Variants in UTRN observed in about 807,000 individuals in gnomAD.
UTRN encodes the protein dystrophin-related protein 1.
Under a neutral mutation model 463.9 loss-of-function variants are expected in UTRN, and 283 were observed. The ratio of observed to expected loss-of-function variants is 0.61; its 90% CI spans 0.55 to 0.67. The LOEUF is 0.67. Among genes scored for constraint, UTRN ranks in the 30% least tolerant of loss-of-function variants. The pLI, the probability that UTRN is intolerant of heterozygous loss-of-function variation, is 0.00. For synonymous variants in UTRN, 1,442 were observed against 1,431.5 expected, an observed-to-expected ratio of 1.01 and a Z score of -0.17; for missense variants, 3,922 against 4,084.3, an observed-to-expected ratio of 0.96 and a Z score of 1.08.
At chr6:144,331,820 C>T (rs1000190642) in intron 2 of UTRN, among the ~76,000 whole-genome samples, 3 of 152,142 alleles carry the variant, frequency 2.0e-5, no homozygotes, top group Non-Finnish European at 4.4e-5. Flanking sequence ...GAATGTTTCC[C>T]AGAGAAGTGA....
At chr6:144,409,329 G>T (rs181854327) in intron 3 of UTRN, among the ~76,000 whole-genome samples, 2 of 152,288 alleles carry the variant, frequency 1.3e-5, no homozygotes, top group Non-Finnish European at 2.9e-5. Flanking sequence ...ATGCTTTGAT[G>T]AGTACTTAAT....
intron 54 of UTRN, among the ~76,000 whole-genome samples, chr6:144,746,004 C>CT (rs948188772): frequency 7.5e-5 from 11 of 147,554 alleles, no homozygotes; most frequent in East Asian, 2.0e-4. Flanking sequence ...TTTTAGATAT[C>CT]TTTTTTTTTT....
At position 144,514,823 on chromosome 6, in the gene UTRN, G is replaced by T. The variant is rs1795472988; in HGVS notation, c.5244+3G>T. On this transcript the variant is annotated splice_donor_region_variant and intron_variant, in intron 37 of 74. Coordinates refer to ENST00000367545, the MANE Select transcript of UTRN (RefSeq NM_007124.3). ...CTCAACATATCAAAAGTGCCAAAGT[G>T]AGTAATTATGCTTTTAGAGTAAACC... The T allele has an allele frequency of 1.2e-6, 2 of 1,611,870 alleles. No homozygotes were observed. Among genetic ancestry groups the T allele is most frequent in the South Asian group, 1.1e-5 (1 of 90,666 alleles).
rs187650521 is a variant in UTRN at position 144,470,845 on chromosome 6, C to G, written c.3067-2875C>G. 6.7e-3 allele frequency among the ~76,000 whole-genome samples: 1,012 copies of G among 151,904 alleles called. 8 individuals carry two copies. Among genetic ancestry groups the G allele is most frequent in the African/African-American group, 0.023 (954 of 41,400 alleles). ...CTGGAGACCAGCCCGGCCAACACGGCGAAACCCCGTCTCCACCAAAAAATA... is the reference window on the plus strand; with the variant it reads ...CTGGAGACCAGCCCGGCCAACACGGGGAAACCCCGTCTCCACCAAAAAATA... On this transcript the variant is annotated intron_variant, in intron 23 of 74. Coordinates refer to ENST00000367545, the MANE Select transcript of UTRN (RefSeq NM_007124.3).
chr6:144,784,001 T>C (rs1274063117), intron 61 of UTRN, among the ~76,000 whole-genome samples: 1 of 152,238 alleles, frequency 6.6e-6, no homozygotes, highest in Non-Finnish European at 1.5e-5. Flanking sequence ...CTTCAATAAT[T>C]TGAATCCTCA....
intron 14 of UTRN, among the ~76,000 whole-genome samples, chr6:144,446,175 GAGTGCT>G (rs1266296546): frequency 5.3e-5 from 8 of 152,162 alleles, no homozygotes; most frequent in Admixed American, 2.0e-4. Flanking sequence ...TTTAAAAATA[GAGTGCT>G]AGTATTTCAG....
intron 61 of UTRN, among the ~76,000 whole-genome samples, chr6:144,782,952 TTGGGTGGCCGAGG>T (rs531847646): frequency 2.2e-3 from 339 of 152,162 alleles, no homozygotes; most frequent in African/African-American, 7.7e-3. Context: ...TCCCAGCACT[TTGGGTGGCCGAGG>T]TGGGTGGATC....
rs1162798853 is a variant in UTRN, at chr6:144,852,510, TG to T, written c.*1519del. ...TTATTTTAGAATAGGTTGGGTGGGT[TG>T]GGGGGCAAGGGTGTCTATTTGCAGC... On this transcript the variant is annotated 3_prime_UTR_variant, in exon 75 of 75. Coordinates refer to ENST00000367545, the MANE Select transcript of UTRN (RefSeq NM_007124.3). The T allele has an allele frequency of 6.6e-6, 1 of 152,430 alleles. No homozygotes were observed. Among genetic ancestry groups the T allele is most frequent in the Non-Finnish European group, 1.5e-5 (1 of 67,994 alleles). The allele number at this position is 152,430 out of a possible 1,614,324, so 9.4% of individuals were successfully genotyped here.
rs537260043 is a variant in UTRN at position 144,842,632 on chromosome 6, C to A, written c.10270+1800C>A. Among the ~76,000 whole-genome samples the A allele has an allele frequency of 6.6e-5, 10 of 152,224 alleles. No homozygotes were observed. In the East Asian group the frequency reaches 1.9e-3, roughly 29 times the overall value. On this transcript the variant is annotated intron_variant, in intron 73 of 74. Transcript: ENST00000367545. ...AAATGAATAAATAAAACATATATTT[C>A]TTTGTGAATTTTCAGGAATATTTGC...
At chr6:144,320,096 C>T (rs1775542256) in intron 2 of UTRN, among the ~76,000 whole-genome samples, 1 of 152,172 alleles carries the variant, frequency 6.6e-6, no homozygotes, top group Non-Finnish European at 1.5e-5. Context: ...TCGTGATCCG[C>T]CCGCCTCCGC....
intron 51 of UTRN, among the ~76,000 whole-genome samples, chr6:144,657,334 A>G (rs1779424725): frequency 6.6e-6 from 1 of 151,698 alleles, no homozygotes; most frequent in Non-Finnish European, 1.5e-5. Flanking sequence ...ATAACTGTAT[A>G]TAAGGGAGTT....
chr6:144,824,591 TATATATATATATATATATATA>T (rs1779948624), intron 66 of UTRN, among the ~76,000 whole-genome samples: 2 of 53,004 alleles, frequency 3.8e-5, no homozygotes, highest in African/African-American at 3.0e-4. Context: ...TATATATATA[TATATATATATATATATATATA>T]TCTTTTTTTT....
At chr6:144,703,951 C>T (rs1784832591) in intron 53 of UTRN, among the ~76,000 whole-genome samples, 1 of 152,014 alleles carries the variant, frequency 6.6e-6, no homozygotes, top group Admixed American at 6.6e-5. Context: ...TTTTATTATT[C>T]AGCATGTTCT....
intron 2 of UTRN, among the ~76,000 whole-genome samples, chr6:144,374,285 T>G (rs532328488): frequency 2.3e-4 from 35 of 152,256 alleles, no homozygotes; most frequent in Middle Eastern, 3.4e-3. Flanking sequence ...TACAAAAATA[T>G]GTATAACAAA....
intron 35 of UTRN, among the ~76,000 whole-genome samples, chr6:144,513,248 T>C (rs1248135637): frequency 6.6e-6 from 1 of 152,142 alleles, no homozygotes; most frequent in Non-Finnish European, 1.5e-5. Flanking sequence ...AATTATTCCT[T>C]AAATGAGTTT....
At chr6:144,678,902 T>C (rs1229597114) in intron 52 of UTRN, among the ~76,000 whole-genome samples, 1 of 152,180 alleles carries the variant, frequency 6.6e-6, no homozygotes, top group Non-Finnish European at 1.5e-5. Flanking sequence ...TCTTTACAAA[T>C]GTTACTTTAT....
chr6:144,735,791 A>G (rs540689954), intron 54 of UTRN, among the ~76,000 whole-genome samples: 3 of 152,016 alleles, frequency 2.0e-5, no homozygotes, highest in Admixed American at 2.0e-4. Flanking sequence ...GGTTAAAACG[A>G]TATTGTATAA....
At chr6:144,716,819 T>C (rs1586184119) in intron 53 of UTRN, among the ~76,000 whole-genome samples, 1 of 152,364 alleles carries the variant, frequency 6.6e-6, no homozygotes, top group African/African-American at 2.4e-5. Context: ...CACATTGCTA[T>C]GTGGTCATTA....
chr6:144,804,152 A>G (rs1381226871), intron 65 of UTRN, among the ~76,000 whole-genome samples: 1 of 152,068 alleles, frequency 6.6e-6, no homozygotes, highest in Non-Finnish European at 1.5e-5. Context: ...ACTTTTTTGG[A>G]TCATAAATTG....
Sources: gnomAD v4.1 joint callset for allele counts (sites outside exome capture counted in the v4.1 genomes callset) on GRCh38, gnomAD v4.1.1 for gene constraint, MANE v1.5 for transcripts, NCBI Gene and HGNC (gene_info 2026-07-23, HGNC 2026-07-21) for gene names.